Variants in RPS6KA3 observed in about 807,000 individuals in gnomAD.
RPS6KA3 encodes ribosomal protein S6 kinase alpha-3.
RPS6KA3 carries 4 observed loss-of-function variants against 67.2 expected under a neutral mutation model. That is an observed-to-expected ratio of 0.06 (90% CI 0.03 to 0.14). The LOEUF is 0.14. Among genes scored for constraint, RPS6KA3 ranks in the 10% least tolerant of loss-of-function variants. The probability of loss-of-function intolerance (pLI) is 1.00; values close to 1 mark genes in which losing one functional copy is unlikely to be tolerated. For synonymous variants in RPS6KA3, 182 were observed against 183.7 expected (o/e 0.99, Z 0.07); for missense variants, 204 against 559.0 (o/e 0.36, Z 6.40).
intron 5 of RPS6KA3, among the ~76,000 whole-genome samples, chrX:20,194,550 C>A (rs993433058): frequency 9.0e-6 from 1 of 111,040 alleles, no homozygotes; most frequent in African/African-American, 3.3e-5. Flanking sequence ...AAAAGACTTA[C>A]TTAACTACGA....
At chrX:20,162,201 T>C (rs1473583138) in intron 19 of RPS6KA3, among the ~76,000 whole-genome samples, 1 of 108,415 alleles carries the variant, frequency 9.2e-6, no homozygotes, top group Non-Finnish European at 1.9e-5. Context: ...CCGGGAGTGA[T>C]AGTGCGTGCC....
intron 20 of RPS6KA3, 91 bp from the exon 21 acceptor site, chrX:20,156,340 C>T (rs2148624560): frequency 1.1e-6 from 1 of 930,176 alleles, no homozygotes; most frequent in Admixed American, 2.2e-5. Flanking sequence ...TCCTTAGCTT[C>T]TGTGATACTG....
At chrX:20,255,233 C>A (rs1324232700) in intron 1 of RPS6KA3, among the ~76,000 whole-genome samples, 1 of 111,538 alleles carries the variant, frequency 9.0e-6, no homozygotes. Flanking sequence ...GACACAAAGG[C>A]CACATACTGT....
rs144134825 is a variant in RPS6KA3, at chrX:20,206,693, G to A, written c.244-2590C>T. The stretch of plus-strand genomic sequence containing the variant: ...TTGTGGCAAGTGCCATGAAGATGAC[G>A]TATGTAATGTTCTGAGAGGGTATAA... On this transcript the variant is annotated intron_variant, in intron 3 of 21. Transcript: ENST00000379565. 6.2e-5 allele frequency among the ~76,000 whole-genome samples: 7 copies of A among 112,256 alleles called. No individual in the cohort carries two copies. The East Asian group carries it at 8.4e-4, about 13-fold the overall frequency.
intron 2 of RPS6KA3, 39 bp downstream of exon 2, chrX:20,234,714 TATTTC>T (rs754598472): frequency 8.8e-5 from 74 of 843,626 alleles, no homozygotes; most frequent in Admixed American, 1.6e-4. Context: ...AACTTTACAG[TATTTC>T]ATTTATCTAT....
intron 2 of RPS6KA3, among the ~76,000 whole-genome samples, chrX:20,230,771 C>T (rs922506861): frequency 9.0e-6 from 1 of 111,098 alleles, no homozygotes; most frequent in African/African-American, 3.3e-5. Context: ...TGTTTGATTT[C>T]TGAAAAGTTA....
chrX:20,215,122 A>G (rs1205288913), intron 2 of RPS6KA3, among the ~76,000 whole-genome samples: 1 of 111,520 alleles, frequency 9.0e-6, no homozygotes, highest in Non-Finnish European at 1.9e-5. Context: ...CTACTTTCTA[A>G]GAGACTTTCT....
At position 20,167,540 on chromosome X, in the gene RPS6KA3, A is replaced by G. The variant is rs759651169; in HGVS notation, c.1602+49T>C. 9.9e-6 allele frequency: 11 copies of G among 1,113,234 alleles called. No homozygotes were observed. In the Admixed American group the frequency reaches 2.2e-4, roughly 22 times the overall value. 91.7% of individuals were successfully genotyped at this position (1,113,234 alleles called of 1,213,427 possible). Reference sequence around the variant, plus strand: ...TTCTATCTAATTCTAGCTCAAACATAAAGGAAAAAAGTGTGTGTATGTACA... The same window carrying G: ...TTCTATCTAATTCTAGCTCAAACATGAAGGAAAAAAGTGTGTGTATGTACA... On this transcript the variant is annotated intron_variant, in intron 17 of 21. Transcript: ENST00000379565.
chrX:20,239,737 T>C, intron 1 of RPS6KA3, among the ~76,000 whole-genome samples: 1 of 111,589 alleles, frequency 9.0e-6, no homozygotes, highest in Non-Finnish European at 1.9e-5. Context: ...GGAATTGTTT[T>C]CAATGTTGTA....
In RPS6KA3 at chrX:20,176,256, G is replaced by A; in HGVS notation, c.1096C>T (p.Pro366Ser). ...YFDPEFTAKT[P>S]KDSPGIPPSA... is the part of the protein sequence containing the mutation. ...TTTCACATTTTCTCCTTACCTTTGG[G>A]AGTTTTTGCAGTAAACTCAGGATCA... Residue 366 changes from proline (P) to serine (S), a missense_variant, in exon 13 of 22, where the codon CCC (proline) becomes TCC (serine). Physicochemically the swap from Pro to Ser is moderately conservative, Grantham distance 74. Coordinates refer to ENST00000379565, the MANE Select transcript of RPS6KA3 (RefSeq NM_004586.3). 1 of 1,128,884 alleles carries A rather than the reference G, an allele frequency of 8.9e-7. No homozygotes were observed. Among genetic ancestry groups the A allele is most frequent in the Non-Finnish European group, 1.2e-6 (1 of 820,263 alleles). The allele number at this position is 1,128,884 out of a possible 1,213,427, so 93.0% of individuals were successfully genotyped here. A position where few individuals can be genotyped will look rare whatever the true frequency, so the allele number is the denominator to read the frequency against.
chrX:20,199,716 T>C (rs1390916774), intron 4 of RPS6KA3, among the ~76,000 whole-genome samples: 1 of 111,294 alleles, frequency 9.0e-6, no homozygotes, highest in Non-Finnish European at 1.9e-5. Flanking sequence ...AGAATACCAC[T>C]ATATAAATTT....
intron 2 of RPS6KA3, among the ~76,000 whole-genome samples, chrX:20,229,230 T>A (rs1192955202): frequency 9.0e-6 from 1 of 111,494 alleles, no homozygotes; most frequent in Non-Finnish European, 1.9e-5. Flanking sequence ...TTATCCACCT[T>A]CTCTACTGTC....
intron 2 of RPS6KA3, among the ~76,000 whole-genome samples, chrX:20,225,563 G>C (rs2069099502): frequency 9.0e-6 from 1 of 111,266 alleles, no homozygotes; most frequent in South Asian, 3.8e-4. Context: ...CAGTCAATAA[G>C]TGTTATTAAT....
intron 15 of RPS6KA3, among the ~76,000 whole-genome samples, chrX:20,171,653 A>G (rs1001284479): frequency 9.0e-6 from 1 of 111,401 alleles, no homozygotes; most frequent in African/African-American, 3.3e-5. Flanking sequence ...TAGCTTGGAG[A>G]TATTTTTGAG....
rs765466713 is a variant in RPS6KA3, at chrX:20,161,695, T to C, written c.1908A>G (p.Gly636=). The change falls in exon 20 of 22, where the codon GGA becomes GGG. Residue 636 remains glycine (G), a synonymous_variant. Transcript: ENST00000379565. ...AGTAACCACCACTGAGTGAGAATTT[T>C]CCGCTACCTATTCGTGCCAATATTT... is the stretch of plus-strand genomic sequence containing the variant. ...PEEILARIGS[G]KFSLSGGYWN... 8.5e-7 allele frequency: 1 copy of C among 1,177,751 alleles called. No individual in the cohort carries two copies. The highest frequency in any genetic ancestry group is 1.8e-5 in the South Asian group (1 of 54,896).
chrX:20,206,791 C>G (rs1017694947), intron 3 of RPS6KA3, among the ~76,000 whole-genome samples: 1 of 111,818 alleles, frequency 8.9e-6, no homozygotes, highest in African/African-American at 3.3e-5. Flanking sequence ...AGCTAACAAG[C>G]TGAGGAAGAG....
chrX:20,220,620 A>G (rs2068966494), intron 2 of RPS6KA3, among the ~76,000 whole-genome samples: 2 of 111,998 alleles, frequency 1.8e-5, no homozygotes, highest in South Asian at 7.4e-4. Flanking sequence ...GCAACCAAAT[A>G]CCCTTTTTTA....
intron 20 of RPS6KA3, among the ~76,000 whole-genome samples, chrX:20,157,944 A>C (rs184943310): frequency 1.5e-3 from 173 of 111,789 alleles, no homozygotes; most frequent in Non-Finnish European, 2.7e-3. Context: ...AGTCCCTGTA[A>C]GCCATATTTG....
chrX:20,170,107 T>C (rs1853473140), intron 15 of RPS6KA3, among the ~76,000 whole-genome samples: 1 of 112,362 alleles, frequency 8.9e-6, no homozygotes, highest in African/African-American at 3.2e-5. Context: ...TTAATTATTA[T>C]AATAAAGCCC....
Sources: allele counts gnomAD v4.1 joint callset (sites outside exome capture counted in the v4.1 genomes callset), GRCh38; gene constraint gnomAD v4.1.1; transcripts MANE v1.5; gene names NCBI Gene and HGNC (gene_info 2026-07-23, HGNC 2026-07-21).